ESR1: variants seen among roughly 807,000 people sequenced by gnomAD.
ESR1 encodes the protein estrogen receptor.
ESR1 carries 12 observed loss-of-function variants against 52.7 expected under a neutral mutation model. The observed-to-expected ratio is 0.23, with a 90% confidence interval of 0.15 to 0.37. The LOEUF (loss-of-function observed/expected upper bound fraction) is 0.37. Among genes scored for constraint, ESR1 ranks in the 10% least tolerant of loss-of-function variants. ESR1 has a pLI of 1.00. For synonymous variants in ESR1, 305 were observed against 316.8 expected, an observed-to-expected ratio of 0.96 and a Z score of 0.39; for missense variants, 584 against 779.7, an observed-to-expected ratio of 0.75 and a Z score of 2.99.
At chr6:151,920,300 G>GC (rs1302820339) in intron 3 of ESR1, among the ~76,000 whole-genome samples, 17 of 133,996 alleles carry the variant, frequency 1.3e-4, no homozygotes, top group Admixed American at 7.3e-5. Context: ...GCCCTTGACT[G>GC]CTTTTTTTTT....
intron 3 of ESR1, among the ~76,000 whole-genome samples, chr6:151,920,432 T>C (rs905387491): frequency 6.6e-6 from 1 of 152,192 alleles, no homozygotes; most frequent in Non-Finnish European, 1.5e-5. Context: ...TTACATTATA[T>C]GGTACATCTA....
chr6:151,843,318 C>G (rs957128415), intron 2 of ESR1, among the ~76,000 whole-genome samples: 3 of 152,132 alleles, frequency 2.0e-5, no homozygotes, highest in African/African-American at 7.2e-5. Flanking sequence ...TGAGCTGACT[C>G]AGTGGTTGGT....
chr6:152,087,341 C>A (rs1324685335), intron 6 of ESR1, among the ~76,000 whole-genome samples: 2 of 152,088 alleles, frequency 1.3e-5, no homozygotes, highest in Non-Finnish European at 2.9e-5. Context: ...CAAAACATTC[C>A]TCTGTCTTTA....
chr6:151,785,759 G>A (rs1583278142), intron 2 of ESR1, among the ~76,000 whole-genome samples: 3 of 152,214 alleles, frequency 2.0e-5, no homozygotes, highest in South Asian at 2.1e-4. Context: ...TGTACAAAAA[G>A]AGGTGATAAT....
intron 1 of ESR1, among the ~76,000 whole-genome samples, chr6:151,695,914 C>G (rs553426014): frequency 6.6e-6 from 1 of 152,176 alleles, no homozygotes; most frequent in East Asian, 1.9e-4. Context: ...TTCTAATAAG[C>G]AATTTTGGAA....
intron 5 of ESR1, among the ~76,000 whole-genome samples, chr6:152,059,077 C>A (rs778628295): frequency 2.0e-5 from 3 of 152,036 alleles, no homozygotes; most frequent in Admixed American, 2.0e-4. Flanking sequence ...TTTTCTCATA[C>A]CTTACGCCAA....
chr6:152,005,465 A>G (rs1216018134), intron 4 of ESR1, among the ~76,000 whole-genome samples: 2 of 152,040 alleles, frequency 1.3e-5, no homozygotes, highest in Non-Finnish European at 2.9e-5. Context: ...AAACTGCCCA[A>G]TTTAAGTTTG....
intron 1 of ESR1, among the ~76,000 whole-genome samples, chr6:151,831,726 T>A (rs1485538454): frequency 6.6e-6 from 1 of 152,220 alleles, no homozygotes; most frequent in East Asian, 1.9e-4. Flanking sequence ...GTAGTAGTAC[T>A]GCTTAGAGTA....
At chr6:151,756,653 A>G (rs779772735) in intron 2 of ESR1, among the ~76,000 whole-genome samples, 23 of 152,260 alleles carry the variant, frequency 1.5e-4, no homozygotes, top group Admixed American at 6.5e-5. Context: ...TGTCAATTAT[A>G]GTTTTTGAAT....
intron 1 of ESR1, among the ~76,000 whole-genome samples, chr6:151,685,465 A>G (rs1778630576): frequency 6.6e-6 from 1 of 152,124 alleles, no homozygotes; most frequent in Non-Finnish European, 1.5e-5. Context: ...AAATATGTGA[A>G]TTTCTCCTTT....
intron 6 of ESR1, among the ~76,000 whole-genome samples, chr6:152,083,757 T>A (rs560561664): frequency 1.3e-5 from 2 of 152,078 alleles, no homozygotes; most frequent in South Asian, 4.2e-4. Context: ...TTAAACAAAT[T>A]TACAAGAAAA....
At chr6:151,861,600 A>G (rs575048705) in intron 2 of ESR1, among the ~76,000 whole-genome samples, 1 of 152,298 alleles carries the variant, frequency 6.6e-6, no homozygotes, top group African/African-American at 2.4e-5. Context: ...GACCACGTTC[A>G]CTGCAAAGCC....
chr6:151,862,219 C>A (rs1789010944), intron 2 of ESR1, among the ~76,000 whole-genome samples: 2 of 152,248 alleles, frequency 1.3e-5, no homozygotes, highest in South Asian at 4.1e-4. Flanking sequence ...AGAAACAAAA[C>A]CAGTGTTGAA....
At chr6:152,111,039 G>T (rs1003692762) in intron 6 of ESR1, among the ~76,000 whole-genome samples, 5 of 152,106 alleles carry the variant, frequency 3.3e-5, no homozygotes, top group Non-Finnish European at 7.4e-5. Flanking sequence ...GATGACCTGA[G>T]ACCTTGAAGC....
At chr6:151,997,879 G>C (rs141424063) in intron 4 of ESR1, among the ~76,000 whole-genome samples, 3 of 152,106 alleles carry the variant, frequency 2.0e-5, no homozygotes, top group African/African-American at 2.4e-5. Context: ...GAAAAGATTC[G>C]AAAGCAAGCC....
intron 1 of ESR1, among the ~76,000 whole-genome samples, chr6:151,659,293 G>A (rs536335020): frequency 8.8e-4 from 134 of 152,164 alleles, no homozygotes; most frequent in Non-Finnish European, 1.6e-3. Context: ...GATTACAGGC[G>A]TGAGCCACTG....
At chr6:151,802,967 G>C (rs868391569), upstream of ESR1, among the ~76,000 whole-genome samples, 7 of 150,494 alleles carry the variant, frequency 4.7e-5, no homozygotes, top group African/African-American at 1.7e-4. Context: ...ACTCCAGCCT[G>C]GGTGACAAAA....
Position 151,908,941 on chromosome 6 carries a change from T to A in ESR1, c.760+28170T>A, listed in dbSNP as rs1334231100. On this transcript the variant is annotated intron_variant, in intron 3 of 7. Transcript: ENST00000206249. ...AGGTTTTGTTTTTGGAGAGATTCTG[T>A]AACTGACATAGGGTAACTTACTCTG... 2.0e-5 allele frequency among the ~76,000 whole-genome samples: 3 copies of A among 152,214 alleles called. No homozygotes were observed. The East Asian group carries it at 5.8e-4, about 29-fold the overall frequency.
At chr6:151,757,701 G>A (rs1173768606) in intron 2 of ESR1, among the ~76,000 whole-genome samples, 13 of 152,328 alleles carry the variant, frequency 8.5e-5, no homozygotes, top group Admixed American at 3.3e-4. Context: ...TTTTGCAAAT[G>A]TGTTTTCTCA....
Sources: gnomAD v4.1 joint callset for allele counts (sites outside exome capture counted in the v4.1 genomes callset) on GRCh38, gnomAD v4.1.1 for gene constraint, MANE v1.5 for transcripts, NCBI Gene and HGNC (gene_info 2026-07-23, HGNC 2026-07-21) for gene names.